The following DENND4C variants were observed in gnomAD, a reference collection of about 807,000 sequenced individuals.
DENND4C encodes DENN domain-containing protein 4C.
DENND4C carries 108 observed loss-of-function variants against 203.0 expected under a neutral mutation model. The ratio of observed to expected loss-of-function variants is 0.53; its 90% CI spans 0.46 to 0.62. The LOEUF (loss-of-function observed/expected upper bound fraction) is 0.62. Ranked by LOEUF, DENND4C falls within the 20% of genes least tolerant of loss-of-function variation. The pLI is 0.00. For synonymous variants in DENND4C, 871 were observed against 792.4 expected (o/e 1.10, Z -1.67); for missense variants, 2,481 against 2,301.2 (o/e 1.08, Z -1.60).
At chr9:19,328,193 T>C in intron 16 of DENND4C, 31 bp downstream of exon 16, 1 of 1,578,246 alleles carries the variant, frequency 6.3e-7, no homozygotes, top group Non-Finnish European at 8.6e-7. Flanking sequence ...TACATGTTCA[T>C]TTAAGATGTA....
At chr9:19,249,547 C>A (rs189697257) in intron 1 of DENND4C, among the ~76,000 whole-genome samples, 91 of 152,176 alleles carry the variant, frequency 6.0e-4, no homozygotes, top group Non-Finnish European at 1.1e-3. Flanking sequence ...TAAGCCATCG[C>A]GCCTGGCCAC....
Position 19,276,141 on chromosome 9 carries a change from TC to T in DENND4C, c.-17-13del, listed in dbSNP as rs1832869779. The T allele has an allele frequency of 8.4e-7, 1 of 1,193,756 alleles. No individual in the cohort carries two copies. The highest frequency in any genetic ancestry group is 1.6e-5 in the African/African-American group (1 of 63,636). The allele number at this position is 1,193,756 out of a possible 1,614,324, so 73.9% of individuals were successfully genotyped here. A position where few individuals can be genotyped will look rare whatever the true frequency, so the allele number is the denominator to read the frequency against. On this transcript the variant is annotated splice_polypyrimidine_tract_variant and intron_variant, in intron 1 of 32. Transcript: ENST00000434457. ...AAGTATTTTATTTTATTGGTATCTT[TC>T]CCCTCCCTCTTCTAGAAAATACAGT...
At chr9:19,364,249 G>A (rs762582639) in intron 30 of DENND4C, among the ~76,000 whole-genome samples, 3 of 151,888 alleles carry the variant, frequency 2.0e-5, no homozygotes, top group East Asian at 1.9e-4. Context: ...GGCAAAAAAC[G>A]TTAAAGATGA....
intron 1 of DENND4C, among the ~76,000 whole-genome samples, chr9:19,254,214 A>G (rs750187556): frequency 3.3e-5 from 5 of 152,230 alleles, no homozygotes; most frequent in African/African-American, 4.8e-5. Flanking sequence ...CTACTGTACA[A>G]TTCAGCAATC....
intron 12 of DENND4C, among the ~76,000 whole-genome samples, chr9:19,321,676 C>T (rs544693996): frequency 1.2e-3 from 177 of 151,734 alleles, no homozygotes; most frequent in Non-Finnish European, 1.6e-3. Context: ...GAAACCCTGT[C>T]TCTACTAAAA....
rs1819334703 is a variant in DENND4C, at chr9:19,332,024, C to T, written c.2300C>T (p.Pro767Leu). The T allele has an allele frequency of 1.2e-6, 2 of 1,613,810 alleles. No homozygotes were observed. The highest frequency in any genetic ancestry group is 1.7e-6 in the Non-Finnish European group (2 of 1,179,982). The change falls in exon 17 of 33, where the codon CCA becomes CTA. Residue 767 changes from proline (P) to leucine (L), a missense_variant. Physicochemically the swap from Pro to Leu is moderately conservative, Grantham distance 98 (BLOSUM62 -3). Coordinates refer to ENST00000434457, the MANE Select transcript of DENND4C (RefSeq NM_001330640.2). ...TTGGCGAAGAGATGTTATACAAATC[C>T]ACCACAGTGGGCCAAGTGTCTGTTT... is the stretch of plus-strand genomic sequence containing the variant. ...HKLAKRCYTN[P>L]PQWAKCLFSH... is the part of the protein sequence containing the mutation.
chr9:19,263,049 T>G (rs1256246955), intron 1 of DENND4C, among the ~76,000 whole-genome samples: 1 of 152,196 alleles, frequency 6.6e-6, no homozygotes, highest in Non-Finnish European at 1.5e-5. Flanking sequence ...TAATACTAAA[T>G]GGGGAAAACA....
In DENND4C at chr9:19,371,552, G is replaced by C; in HGVS notation, c.5676-204G>C. 1.1e-5 allele frequency: 4 copies of C among 350,228 alleles called. No homozygotes were observed. In the South Asian group the frequency reaches 1.6e-4, roughly 14 times the overall value. 21.7% of individuals were successfully genotyped at this position (350,228 alleles called of 1,614,324 possible). ...TGCAGGAAGTTACAAAAATAGTACA[G>C]AATTCAATGTAGCCTTCACACAGCT... On this transcript the variant is annotated intron_variant, in intron 31 of 32. Transcript: ENST00000434457.
chr9:19,266,243 A>T (rs1382939287), intron 1 of DENND4C, among the ~76,000 whole-genome samples: 1 of 152,198 alleles, frequency 6.6e-6, no homozygotes, highest in Non-Finnish European at 1.5e-5. Context: ...TGTTGGCTGC[A>T]TAAATATATC....
chr9:19,257,549 A>G (rs891831710), intron 1 of DENND4C, among the ~76,000 whole-genome samples: 2 of 152,096 alleles, frequency 1.3e-5, no homozygotes, highest in African/African-American at 2.4e-5. Context: ...AGAAAATAAT[A>G]AAGATCAAAG....
At chr9:19,327,260 A>G (rs780966891) in intron 15 of DENND4C, among the ~76,000 whole-genome samples, 2 of 152,114 alleles carry the variant, frequency 1.3e-5, no homozygotes, top group African/African-American at 2.4e-5. Context: ...TAAGTAGACA[A>G]TTTCCAAGAA....
intron 31 of DENND4C, among the ~76,000 whole-genome samples, chr9:19,370,499 A>C (rs1828600006): frequency 6.6e-6 from 1 of 152,144 alleles, no homozygotes; most frequent in South Asian, 2.1e-4. Flanking sequence ...TAAGAAGATC[A>C]TTCATTGATC....
intron 10 of DENND4C, among the ~76,000 whole-genome samples, chr9:19,314,770 GA>G (rs944166737): frequency 1.4e-4 from 21 of 152,136 alleles, no homozygotes; most frequent in African/African-American, 4.6e-4. Context: ...CCTAAAGCTG[GA>G]ATCTCTGCCC....
At chr9:19,259,568 G>C (rs960072722) in intron 1 of DENND4C, among the ~76,000 whole-genome samples, 1 of 148,492 alleles carries the variant, frequency 6.7e-6, no homozygotes, top group Admixed American at 6.8e-5. Flanking sequence ...GCAGTGGCGC[G>C]ATCTTGGCTC....
intron 1 of DENND4C, among the ~76,000 whole-genome samples, chr9:19,231,612 C>T (rs1260075171): frequency 6.6e-6 from 1 of 151,268 alleles, no homozygotes; most frequent in Non-Finnish European, 1.5e-5. Context: ...TTTATCTGCA[C>T]TAATAAGGAA....
intron 1 of DENND4C, among the ~76,000 whole-genome samples, chr9:19,271,013 G>A (rs1426354396): frequency 2.0e-5 from 3 of 152,108 alleles, no homozygotes; most frequent in Non-Finnish European, 2.9e-5. Flanking sequence ...GAATAAATCT[G>A]ACCAAAGATG....
intron 1 of DENND4C, among the ~76,000 whole-genome samples, chr9:19,240,675 A>C (rs1464551371): frequency 2.0e-5 from 3 of 147,920 alleles, no homozygotes; most frequent in African/African-American, 4.9e-5. Context: ...CAAAAAACAA[A>C]AAAAAAAAAG....
chr9:19,336,774 C>CA lies in DENND4C; in HGVS notation c.2824dup (p.Thr942AsnfsTer11). 6.4e-7 allele frequency: 1 copy of CA among 1,550,884 alleles called. No homozygotes were observed. The highest frequency in any genetic ancestry group is 8.7e-7 in the Non-Finnish European group (1 of 1,147,018). ...CTAATGATGCTAACAATGGGGAGCA[C>CA]ACAGTCTTCGTCAGAGATTTAATCA... On this transcript the variant is annotated frameshift_variant, in exon 20 of 33. Coordinates refer to ENST00000434457, the MANE Select transcript of DENND4C (RefSeq NM_001330640.2). LOFTEE classifies it high-confidence loss of function.
At chr9:19,363,297 C>T (rs1416987810) in intron 30 of DENND4C, among the ~76,000 whole-genome samples, 3 of 151,578 alleles carry the variant, frequency 2.0e-5, no homozygotes, top group Admixed American at 6.6e-5. Flanking sequence ...GGGTGGATCA[C>T]GAGGTCAGGA....
Sources: gnomAD v4.1 joint callset for allele counts (sites outside exome capture counted in the v4.1 genomes callset) on GRCh38, gnomAD v4.1.1 for gene constraint, MANE v1.5 for transcripts, NCBI Gene and HGNC (gene_info 2026-07-23, HGNC 2026-07-21) for gene names.